The following CELF4 variants were observed in gnomAD, a reference collection of about 807,000 sequenced individuals.
CELF4 encodes CUGBP Elav-like family member 4.
A neutral mutation model predicts 59.9 loss-of-function variants in CELF4; 18 were observed. That is an observed-to-expected ratio of 0.30 (90% CI 0.21 to 0.45). The LOEUF (loss-of-function observed/expected upper bound fraction) is 0.45. Among genes scored for constraint, CELF4 ranks in the 20% least tolerant of loss-of-function variants. The pLI is 1.00. For synonymous variants in CELF4, 261 were observed against 267.1 expected (o/e 0.98, Z 0.22); for missense variants, 456 against 689.0 (o/e 0.66, Z 3.79).
chr18:37,516,143 T>C (rs991240510), intron 1 of CELF4, among the ~76,000 whole-genome samples: 2 of 152,160 alleles, frequency 1.3e-5, no homozygotes, highest in African/African-American at 4.8e-5. Flanking sequence ...TGGCAAAAAA[T>C]ATTATTTACT....
intron 2 of CELF4, among the ~76,000 whole-genome samples, chr18:37,470,875 T>TGACA (rs2099819653): frequency 2.9e-5 from 3 of 102,034 alleles, no homozygotes; most frequent in African/African-American, 7.6e-5. Flanking sequence ...TGTGTGTGTG[T>TGACA]GTGTGTGTGT....
At chr18:37,310,755 G>T (rs1569556497) in intron 3 of CELF4, among the ~76,000 whole-genome samples, 1 of 151,952 alleles carries the variant, frequency 6.6e-6, no homozygotes, top group Non-Finnish European at 1.5e-5. Context: ...TCACGTTCAG[G>T]GCTCACTCAG....
chr18:37,489,741 C>T (rs904227217), intron 1 of CELF4, among the ~76,000 whole-genome samples: 17 of 152,172 alleles, frequency 1.1e-4, no homozygotes, highest in East Asian at 3.9e-4. Context: ...AGGTGGGAAA[C>T]GGGATTCTCT....
intron 2 of CELF4, among the ~76,000 whole-genome samples, chr18:37,442,769 A>G (rs564813944): frequency 7.9e-5 from 12 of 152,334 alleles, no homozygotes; most frequent in African/African-American, 2.9e-4. Context: ...AGCCACCTGT[A>G]TGGGAATGAA....
At chr18:37,555,143 G>T (rs1345416096) in intron 1 of CELF4, among the ~76,000 whole-genome samples, 2 of 152,166 alleles carry the variant, frequency 1.3e-5, no homozygotes, top group Non-Finnish European at 2.9e-5. Flanking sequence ...CCAGGAATGG[G>T]ATGTGGCTTC....
At chr18:37,340,959 T>C (rs2097996576) in intron 2 of CELF4, among the ~76,000 whole-genome samples, 1 of 152,216 alleles carries the variant, frequency 6.6e-6, no homozygotes, top group African/African-American at 2.4e-5. Context: ...TAGCTTCCAC[T>C]GTTCAGTCCC....
At position 37,244,055 on chromosome 18, in the gene CELF4, G is replaced by A. The variant is rs2061191361; in HGVS notation, c.*1187C>T. The A allele has an allele frequency of 6.4e-6, 1 of 157,174 alleles. No homozygotes were observed. Among genetic ancestry groups the A allele is most frequent in the Non-Finnish European group, 1.4e-5 (1 of 70,856 alleles). 9.7% of individuals were successfully genotyped at this position (157,174 alleles called of 1,614,324 possible). ...ACAACGGCATCCGACTGCACTCGCGGGGAGAAGGGATTGATGCTCTGTCTA... is the reference window on the plus strand; with the variant it reads ...ACAACGGCATCCGACTGCACTCGCGAGGAGAAGGGATTGATGCTCTGTCTA... On this transcript the variant is annotated 3_prime_UTR_variant, in exon 13 of 13. Transcript: ENST00000420428.
intron 1 of CELF4, among the ~76,000 whole-genome samples, chr18:37,533,600 T>G (rs1399378802): frequency 3.3e-5 from 5 of 152,256 alleles, no homozygotes; most frequent in Non-Finnish European, 7.3e-5. Flanking sequence ...AAAGGATCCC[T>G]TATAAGGCTC....
chr18:37,525,216 C>G (rs985891142), intron 1 of CELF4, among the ~76,000 whole-genome samples: 1 of 152,206 alleles, frequency 6.6e-6, no homozygotes, highest in African/African-American at 2.4e-5. Context: ...TGGCCTGTCG[C>G]TCTCTTCAGA....
intron 2 of CELF4, among the ~76,000 whole-genome samples, chr18:37,379,048 G>T (rs1311916049): frequency 6.6e-6 from 1 of 152,220 alleles, no homozygotes; most frequent in African/African-American, 2.4e-5. Flanking sequence ...CTCACCTGGG[G>T]GCTTGCACTG....
intron 1 of CELF4, among the ~76,000 whole-genome samples, chr18:37,518,606 T>C (rs729716): frequency 0.89 from 135,023 of 152,060 alleles, 60,403 homozygotes; most frequent in East Asian, 0.97. Flanking sequence ...CCTCCCAGGG[T>C]ACAAAGCCCC....
chr18:37,539,448 G>GACACACAC (rs35598472), intron 1 of CELF4, among the ~76,000 whole-genome samples: 35 of 134,792 alleles, frequency 2.6e-4, no homozygotes, highest in South Asian at 7.4e-4. Flanking sequence ...GCACCTCTAA[G>GACACACAC]ACACACACAC....
At chr18:37,406,758 A>G (rs959635566) in intron 2 of CELF4, among the ~76,000 whole-genome samples, 4 of 152,184 alleles carry the variant, frequency 2.6e-5, no homozygotes, top group Non-Finnish European at 5.9e-5. Flanking sequence ...TGTACTCATC[A>G]GATGCTCAGC....
intron 1 of CELF4, among the ~76,000 whole-genome samples, chr18:37,506,390 G>A (rs1382991428): frequency 6.6e-6 from 1 of 152,138 alleles, no homozygotes; most frequent in East Asian, 1.9e-4. Context: ...CTCCCTGTAG[G>A]TCAAGCCCAT....
intron 1 of CELF4, among the ~76,000 whole-genome samples, chr18:37,514,879 G>A (rs1002337139): frequency 1.3e-5 from 2 of 151,946 alleles, no homozygotes; most frequent in East Asian, 1.9e-4. Flanking sequence ...TTAAAAAAAG[G>A]ATATTTTAAA....
intron 3 of CELF4, among the ~76,000 whole-genome samples, chr18:37,283,260 G>A (rs1388802598): frequency 6.6e-6 from 1 of 151,964 alleles, no homozygotes; most frequent in Non-Finnish European, 1.5e-5. Flanking sequence ...TCACCTTCTC[G>A]GTGCTGACAC....
chr18:37,563,832 T>C (rs927753701), intron 1 of CELF4, among the ~76,000 whole-genome samples: 4 of 152,186 alleles, frequency 2.6e-5, no homozygotes, highest in South Asian at 4.1e-4. Flanking sequence ...AGCTGGAAGA[T>C]ACTAAAGCCA....
chr18:37,264,804 T>G (rs2076614714), intron 9 of CELF4, 47 bp from the exon 10 acceptor site: 1 of 1,458,836 alleles, frequency 6.9e-7, no homozygotes, highest in Non-Finnish European at 9.4e-7. Context: ...AGGCAGAGAG[T>G]GGAAGCAGGA....
intron 1 of CELF4, among the ~76,000 whole-genome samples, chr18:37,523,903 A>C (rs1451428973): frequency 6.6e-6 from 1 of 152,236 alleles, no homozygotes; most frequent in Non-Finnish European, 1.5e-5. Flanking sequence ...CTTGCAACTC[A>C]GGCTCACTGA....
Sources: gnomAD v4.1 joint callset for allele counts (sites outside exome capture counted in the v4.1 genomes callset) on GRCh38, gnomAD v4.1.1 for gene constraint, MANE v1.5 for transcripts, NCBI Gene and HGNC (gene_info 2026-07-23, HGNC 2026-07-21) for gene names.